Variants in GNAS observed in about 807,000 individuals in gnomAD.
GNAS encodes the protein GNAS complex locus.
In GNAS, 8 loss-of-function variants were observed where a neutral mutation model predicts 54.5. That is an observed-to-expected ratio of 0.15 (90% CI 0.09 to 0.26). The LOEUF (loss-of-function observed/expected upper bound fraction) is 0.26, where lower values mean the gene tolerates loss of function less well. Ranked by LOEUF, GNAS falls within the 10% of genes least tolerant of loss-of-function variation. The pLI is 1.00. For synonymous variants in GNAS, 204 were observed against 191.4 expected, an observed-to-expected ratio of 1.07 and a Z score of -0.54; for missense variants, 170 against 529.8, an observed-to-expected ratio of 0.32 and a Z score of 6.67.
chr20:58,885,385 C>T (rs1030840795), intron 1 of GNAS, among the ~76,000 whole-genome samples: 1 of 152,242 alleles, frequency 6.6e-6, no homozygotes, highest in South Asian at 2.1e-4. Flanking sequence ...GGTCCAAATA[C>T]ACTGGCCAAT....
In GNAS at chr20:58,841,445, G is replaced by A. The variant is rs1363874022; in HGVS notation, c.43+559G>A. On this transcript the variant is annotated intron_variant, in intron 1 of 12. Coordinates refer to the GNAS transcript ENST00000306090. This position sits in a 1 kb window ranked among gnomAD's most constrained non-coding sequence, Gnocchi z 5.0. The stretch of plus-strand genomic sequence containing the variant: ...ACCACCCGGGAGGGAAGTCACGCGC[G>A]CGCGGCGCCTAAGCAGCTCAGAGCC... The A allele has an allele frequency of 2.0e-6, 2 of 993,644 alleles. No individual in the cohort carries two copies. The highest frequency in any genetic ancestry group is 5.6e-5 in the Admixed American group (1 of 17,708). The allele number at this position is 993,644 out of a possible 1,614,324, so 61.6% of individuals were successfully genotyped here.
chr20:58,854,178 T>C lies in GNAS; in HGVS notation c.43+13292T>C, dbSNP rs376517306. 5.1e-5 allele frequency: 82 copies of C among 1,612,702 alleles called. 2 individuals are homozygous for C. The East Asian group carries it at 1.1e-3, about 22-fold the overall frequency. ...GGGCAGCAGCCCCTGGATGGAGATC[T>C]CCGGACCCCCGTTCGAGATTGGCAG... is the stretch of plus-strand genomic sequence containing the variant. On this transcript the variant is annotated intron_variant, in intron 1 of 12. Transcript: ENST00000306090.
upstream of GNAS, chr20:58,840,780 C>A: frequency 6.2e-7 from 1 of 1,610,428 alleles, no homozygotes; most frequent in South Asian, 1.1e-5. The surrounding 1 kb of genome is among the most constrained non-coding windows in gnomAD (Gnocchi z 6.0). Flanking sequence ...AAGAAGCCCA[C>A]CCGCCGTGAC....
At position 58,905,371 on chromosome 20, in the gene GNAS, G is replaced by A. The variant is rs79685822; in HGVS notation, c.433-12G>A. The A allele has an allele frequency of 4.0e-6, 6 of 1,496,028 alleles. No individual in the cohort carries two copies. The East Asian group carries it at 1.4e-4, about 34-fold the overall frequency. The allele number at this position is 1,496,028 out of a possible 1,614,324, so 92.7% of individuals were successfully genotyped here. A position where few individuals can be genotyped will look rare whatever the true frequency, so the allele number is the denominator to read the frequency against. ...CTTGCCTTTCTCTAAACTTTCTTGT[G>A]TTCACTTTCAGGAATTCTATGAGCA... On this transcript the variant is annotated splice_polypyrimidine_tract_variant and intron_variant, in intron 5 of 12. Coordinates refer to ENST00000371085, the MANE Select transcript of GNAS (RefSeq NM_000516.7).
At chr20:58,862,184 G>T (rs1022059659) in intron 1 of GNAS, among the ~76,000 whole-genome samples, 1 of 151,582 alleles carries the variant, frequency 6.6e-6, no homozygotes, top group East Asian at 2.0e-4. Context: ...TTGAGACAGG[G>T]TCTCACTCTG....
At chr20:58,887,306 T>C (rs1430390078), upstream of GNAS, among the ~76,000 whole-genome samples, 1 of 152,240 alleles carries the variant, frequency 6.6e-6, no homozygotes, top group Non-Finnish European at 1.5e-5. Context: ...ATAACAAAAA[T>C]GTCTGGCCTA....
At chr20:58,884,231 C>T (rs1039665963) in intron 1 of GNAS, among the ~76,000 whole-genome samples, 5 of 152,132 alleles carry the variant, frequency 3.3e-5, no homozygotes, top group African/African-American at 9.7e-5. Context: ...ATTTAGCAGT[C>T]GTTTCATTTG....
chr20:58,849,467 G>C (rs542221257), intron 1 of GNAS, among the ~76,000 whole-genome samples: 1 of 152,162 alleles, frequency 6.6e-6, no homozygotes, highest in Non-Finnish European at 1.5e-5. Context: ...TTGTAAGTAC[G>C]ATTGCCAATT....
intron 1 of GNAS, chr20:58,877,054 G>A (rs1280946965): frequency 2.0e-5 from 3 of 152,294 alleles, no homozygotes; most frequent in African/African-American, 7.2e-5. Context: ...TGAGAGAAGC[G>A]AAGAGGAGTG....
At chr20:58,890,583 G>A (rs1161092737), upstream of GNAS, 2 of 152,458 alleles carry the variant, frequency 1.3e-5, no homozygotes, top group African/African-American at 2.4e-5. Context: ...CGTGTTCGGG[G>A]CGACCTGCTG....
At position 58,853,399 on chromosome 20, in the gene GNAS, C is replaced by T. The variant is rs1434023329; in HGVS notation, c.43+12513C>T. On this transcript the variant is annotated intron_variant, in intron 1 of 12. Coordinates refer to the GNAS transcript ENST00000306090. The surrounding 1 kb of genome is among the most constrained non-coding windows in gnomAD (Gnocchi z 4.4). ...GCTGCCCCCGGTGCTGGGCCTAGCC[C>T]AGCCGAAGAGATGGAGACCGAACCG... 3.2e-6 allele frequency: 5 copies of T among 1,570,714 alleles called. No individual in the cohort carries two copies. Among genetic ancestry groups the T allele is most frequent in the Non-Finnish European group, 4.3e-6 (5 of 1,158,644 alleles).
In GNAS at chr20:58,840,960, G is replaced by A. The variant is rs2085695746; in HGVS notation, c.43+74G>A. The stretch of plus-strand genomic sequence containing the variant: ...AGCGCAGGTGGAAAGGAGGTGAGAA[G>A]GAAAGGCAGGTCAGGGGCGAGTGGG... On this transcript the variant is annotated intron_variant, in intron 1 of 12. Transcript: ENST00000306090. This position sits in a 1 kb window ranked among gnomAD's most constrained non-coding sequence, Gnocchi z 6.0. 8 of 1,500,610 alleles carry A rather than the reference G, an allele frequency of 5.3e-6. No individual in the cohort carries two copies. The highest frequency in any genetic ancestry group is 7.3e-6 in the Non-Finnish European group (8 of 1,092,922). 93.0% of individuals were successfully genotyped at this position (1,500,610 alleles called of 1,614,324 possible). A position where few individuals can be genotyped will look rare whatever the true frequency, so the allele number is the denominator to read the frequency against.
chr20:58,881,360 A>G (rs2088209030), intron 1 of GNAS, among the ~76,000 whole-genome samples: 1 of 152,216 alleles, frequency 6.6e-6, no homozygotes, highest in East Asian at 1.9e-4. Flanking sequence ...TGTATGGTTG[A>G]GCTATTTGGC....
intron 1 of GNAS, among the ~76,000 whole-genome samples, chr20:58,871,154 G>T (rs6015391): frequency 1.3e-5 from 2 of 152,148 alleles, no homozygotes; most frequent in African/African-American, 2.4e-5. Flanking sequence ...AAAGAATTGA[G>T]GTTCCCTCCC....
At position 58,853,434 on chromosome 20, in the gene GNAS, G is replaced by A. The variant is rs1366694636; in HGVS notation, c.43+12548G>A. On this transcript the variant is annotated intron_variant, in intron 1 of 12. Coordinates refer to the GNAS transcript ENST00000306090. The surrounding 1 kb of genome is among the most constrained non-coding windows in gnomAD (Gnocchi z 4.4). Reference sequence around the variant, plus strand: ...GATGGAGACCGAACCGCCTCACAACGAGCCCATCCCCGTCGAGAATGATGG... The same window carrying A: ...GATGGAGACCGAACCGCCTCACAACAAGCCCATCCCCGTCGAGAATGATGG... 4.4e-6 allele frequency: 7 copies of A among 1,606,302 alleles called. No homozygotes were observed. The highest frequency in any genetic ancestry group is 5.9e-6 in the Non-Finnish European group (7 of 1,176,760).
intron 1 of GNAS, among the ~76,000 whole-genome samples, chr20:58,864,999 C>T (rs1321461789): frequency 6.6e-6 from 1 of 151,812 alleles, no homozygotes; most frequent in Non-Finnish European, 1.5e-5. Context: ...TCTCTGACAA[C>T]CAAAACTGTT....
upstream of GNAS, chr20:58,840,207 G>A (rs2085663585): frequency 6.2e-7 from 1 of 1,611,108 alleles, no homozygotes; most frequent in African/African-American, 1.3e-5. The surrounding 1 kb of genome is among the most constrained non-coding windows in gnomAD (Gnocchi z 6.0). Context: ...GCGCTCCTCT[G>A]GCTCTCCTGC....
chr20:58,844,476 A>T (rs1464776631), intron 1 of GNAS, among the ~76,000 whole-genome samples: 3 of 152,168 alleles, frequency 2.0e-5, no homozygotes, highest in African/African-American at 7.2e-5. Context: ...GAGCAGTGGG[A>T]TCTAAGACGA....
chr20:58,889,688 GCTAA>G (rs955434944), upstream of GNAS: 95 of 151,488 alleles, frequency 6.3e-4, no homozygotes, highest in African/African-American at 1.9e-3. Context: ...CCTTTTTGGC[GCTAA>G]CTCTTAGGCA....
Sources: allele counts gnomAD v4.1 joint callset (sites outside exome capture counted in the v4.1 genomes callset), GRCh38; gene constraint gnomAD v4.1.1; non-coding constraint Gnocchi (gnomAD v3.1); transcripts MANE v1.5; gene names NCBI Gene and HGNC (gene_info 2026-07-23, HGNC 2026-07-21).